EPS15L1: variants seen among roughly 807,000 people sequenced by gnomAD.
EPS15L1 encodes the protein epidermal growth factor receptor substrate 15-like 1.
EPS15L1 carries 43 observed loss-of-function variants against 117.1 expected under a neutral mutation model. The ratio of observed to expected loss-of-function variants is 0.37; its 90% CI spans 0.29 to 0.47. EPS15L1 has a LOEUF of 0.47. Among genes scored for constraint, EPS15L1 ranks in the 20% least tolerant of loss-of-function variants. The pLI is 0.99. For synonymous variants in EPS15L1, 459 were observed against 470.5 expected, an observed-to-expected ratio of 0.98 and a Z score of 0.32; for missense variants, 981 against 1,164.0, an observed-to-expected ratio of 0.84 and a Z score of 2.29.
intron 18 of EPS15L1, among the ~76,000 whole-genome samples, chr19:16,393,550 G>A (rs1239919451): frequency 1.3e-5 from 2 of 151,072 alleles, no homozygotes; most frequent in Non-Finnish European, 3.0e-5. Flanking sequence ...TTGGGAGGCT[G>A]AGGCAGGAGA....
At chr19:16,358,640 C>T (rs369718275) in intron 23 of EPS15L1, among the ~76,000 whole-genome samples, 3 of 151,918 alleles carry the variant, frequency 2.0e-5, no homozygotes, top group Admixed American at 6.6e-5. Flanking sequence ...CTTGGAAATC[C>T]GCAGTTTAGA....
chr19:16,441,133 C>T (rs2093027474), intron 3 of EPS15L1: 1 of 581,966 alleles, frequency 1.7e-6, no homozygotes, highest in East Asian at 2.9e-5. Flanking sequence ...GTGCACTCAG[C>T]TCCCAAGCCA....
intron 1 of EPS15L1, among the ~76,000 whole-genome samples, chr19:16,449,217 TG>T (rs1328417707): frequency 6.6e-6 from 1 of 151,954 alleles, no homozygotes; most frequent in African/African-American, 2.4e-5. Flanking sequence ...AAGACCAGCC[TG>T]GGCAACATAA....
At chr19:16,362,544 GAC>G (rs1386343649) in intron 22 of EPS15L1, among the ~76,000 whole-genome samples, 1 of 111,514 alleles carries the variant, frequency 9.0e-6, no homozygotes, top group African/African-American at 3.4e-5. Context: ...TTTTTTCAGA[GAC>G]AGAGTCTTGC....
intron 6 of EPS15L1, 192 bp from the exon 7 acceptor site, chr19:16,434,682 G>C: frequency 1.8e-6 from 1 of 552,026 alleles, no homozygotes; most frequent in Non-Finnish European, 3.1e-6. Flanking sequence ...AGGAAATAAC[G>C]TTATGGCAAC....
intron 7 of EPS15L1, among the ~76,000 whole-genome samples, chr19:16,433,710 T>C (rs1167779886): frequency 1.3e-5 from 2 of 151,322 alleles, no homozygotes; most frequent in Non-Finnish European, 2.9e-5. Flanking sequence ...CTCACGCCTG[T>C]AATCCCAGCA....
At chr19:16,368,468 T>A (rs1019300915) in intron 22 of EPS15L1, among the ~76,000 whole-genome samples, 2 of 152,094 alleles carry the variant, frequency 1.3e-5, no homozygotes, top group Admixed American at 1.3e-4. Flanking sequence ...CAATTGTCAT[T>A]CATCCTGCAG....
intron 10 of EPS15L1, among the ~76,000 whole-genome samples, chr19:16,418,893 C>T (rs1035176835): frequency 1.3e-5 from 2 of 152,162 alleles, no homozygotes; most frequent in South Asian, 4.1e-4. Flanking sequence ...CAGACTTCCA[C>T]CCCCCAGAGC....
chr19:16,406,266 CT>C (rs2092655387), intron 13 of EPS15L1, among the ~76,000 whole-genome samples: 1 of 152,154 alleles, frequency 6.6e-6, no homozygotes, highest in Non-Finnish European at 1.5e-5. Context: ...CTCCCTGCCC[CT>C]GGCCTTTCAC....
At chr19:16,419,047 C>T (rs2092788999) in intron 10 of EPS15L1, among the ~76,000 whole-genome samples, 1 of 152,248 alleles carries the variant, frequency 6.6e-6, no homozygotes, top group Non-Finnish European at 1.5e-5. Flanking sequence ...CACAACTAAG[C>T]GTCCCCTGCC....
At chr19:16,419,730 T>A (rs1178652511) in intron 10 of EPS15L1, among the ~76,000 whole-genome samples, 2 of 152,226 alleles carry the variant, frequency 1.3e-5, no homozygotes, top group East Asian at 1.9e-4. Context: ...TGAGCAGATC[T>A]CAAAGAACAT....
intron 23 of EPS15L1, chr19:16,356,190 C>A (rs1205783763): frequency 3.7e-5 from 14 of 374,280 alleles, no homozygotes; most frequent in Admixed American, 1.9e-4. Flanking sequence ...TGGGGAACTT[C>A]CAGCGTGCAT....
intron 21 of EPS15L1, among the ~76,000 whole-genome samples, chr19:16,380,035 T>C (rs1383058513): frequency 6.6e-6 from 1 of 151,954 alleles, no homozygotes. Flanking sequence ...GTCACACTGA[T>C]GCAGCCAGCT....
In EPS15L1 at chr19:16,436,921, A is replaced by C. The variant is rs367797741; in HGVS notation, c.372+16T>G. 5.6e-6 allele frequency: 9 copies of C among 1,604,658 alleles called. No homozygotes were observed. Among genetic ancestry groups the C allele is most frequent in the South Asian group, 1.1e-5 (1 of 90,854 alleles). On this transcript the variant is annotated intron_variant, in intron 6 of 23. Transcript: ENST00000455140. ...CTGAAGGAGAGCCAAGGAGGGAGCT[A>C]TTCCCGTTCACTTACCCTCACAGCC...
chr19:16,413,049 G>C (rs763437415), intron 13 of EPS15L1: 3 of 730,648 alleles, frequency 4.1e-6, no homozygotes, highest in East Asian at 5.8e-5. Flanking sequence ...GACCCGCGCC[G>C]GCCAGTGCAC....
intron 21 of EPS15L1, among the ~76,000 whole-genome samples, chr19:16,379,211 A>G (rs1258675302): frequency 6.6e-6 from 1 of 152,220 alleles, no homozygotes; most frequent in Non-Finnish European, 1.5e-5. Context: ...AGGCTGAGGC[A>G]GGAGAATGGC....
chr19:16,356,310 T>G (rs1288646284), intron 23 of EPS15L1: 2 of 161,722 alleles, frequency 1.2e-5, no homozygotes, highest in East Asian at 1.8e-4. Context: ...ATTTTCTTTT[T>G]CTTTTTCTTT....
At chr19:16,470,257 C>T (rs1458797602) in intron 1 of EPS15L1, among the ~76,000 whole-genome samples, 7 of 151,992 alleles carry the variant, frequency 4.6e-5, no homozygotes, top group African/African-American at 1.2e-4. Flanking sequence ...TGTGGTAGCA[C>T]GTGCCTGTAG....
chr19:16,449,583 C>CTACAACAAAACTTAA (rs2093119870), intron 1 of EPS15L1, among the ~76,000 whole-genome samples: 1 of 151,816 alleles, frequency 6.6e-6, no homozygotes, highest in South Asian at 2.1e-4. Flanking sequence ...TTTCTTAAAA[C>CTACAACAAAACTTAA]AACAACAACA....
Sources: gnomAD v4.1 joint callset for allele counts (sites outside exome capture counted in the v4.1 genomes callset) on GRCh38, gnomAD v4.1.1 for gene constraint, MANE v1.5 for transcripts, NCBI Gene and HGNC (gene_info 2026-07-23, HGNC 2026-07-21) for gene names.